The following USP26 variants were observed in gnomAD, a reference collection of about 807,000 sequenced individuals.
The protein encoded by USP26 is ubiquitin specific peptidase 26, also known as ubiquitin carboxyl-terminal hydrolase 26.
For synonymous variants in USP26, 236 were observed against 240.6 expected (o/e 0.98, Z 0.18); for missense variants, 649 against 642.3 (o/e 1.01, Z -0.11).
chrX:133,042,280 C>T (rs1167146985), intron 5 of USP26, among the ~76,000 whole-genome samples: 3 of 111,264 alleles, frequency 2.7e-5, no homozygotes, highest in Non-Finnish European at 5.7e-5. Flanking sequence ...CTGCAGCTAG[C>T]TCAGTGTCTG....
chrX:133,066,506 G>A (rs1249382841), intron 5 of USP26, among the ~76,000 whole-genome samples: 1 of 111,446 alleles, frequency 9.0e-6, no homozygotes, highest in Non-Finnish European at 1.9e-5. Flanking sequence ...AAACAGCATG[G>A]TACTGGTACC....
chrX:133,047,841 T>C (rs976011477), intron 5 of USP26, among the ~76,000 whole-genome samples: 2 of 111,882 alleles, frequency 1.8e-5, no homozygotes, highest in African/African-American at 6.5e-5. Context: ...CCAAATCTGC[T>C]GGCACCTTAA....
chrX:133,031,949 C>A (rs996253375), intron 5 of USP26, among the ~76,000 whole-genome samples: 3 of 110,965 alleles, frequency 2.7e-5, no homozygotes, highest in Non-Finnish European at 5.7e-5. Flanking sequence ...GAGTTTGAGA[C>A]CAGCCTGGTC....
At chrX:133,079,945 G>A (rs1220711148) in intron 5 of USP26, among the ~76,000 whole-genome samples, 1 of 111,559 alleles carries the variant, frequency 9.0e-6, no homozygotes, top group Non-Finnish European at 1.9e-5. Flanking sequence ...AGTTATTGTA[G>A]GTGGACATAT....
intron 5 of USP26, among the ~76,000 whole-genome samples, chrX:133,046,934 C>T (rs1355615108): frequency 8.9e-6 from 1 of 111,948 alleles, no homozygotes; most frequent in Admixed American, 9.5e-5. Context: ...CTAATGGAGG[C>T]CATCCTCAAA....
At chrX:133,036,969 A>T (rs1423060818) in intron 5 of USP26, among the ~76,000 whole-genome samples, 1 of 112,491 alleles carries the variant, frequency 8.9e-6, no homozygotes, top group African/African-American at 3.2e-5. Flanking sequence ...GGCCACATAA[A>T]TGTCTTCTTT....
chrX:133,079,222 C>T (rs980242), intron 5 of USP26, among the ~76,000 whole-genome samples: 1,499 of 111,707 alleles, frequency 0.013, 26 homozygotes, highest in East Asian at 0.1. Context: ...CAAGGTAGTG[C>T]TCCTCCTCAC....
intron 5 of USP26, among the ~76,000 whole-genome samples, chrX:133,074,344 T>C (rs938227625): frequency 1.1e-4 from 12 of 112,330 alleles, no homozygotes; most frequent in African/African-American, 3.9e-4. Context: ...TCTTTACATG[T>C]ATGTAACTTC....
At chrX:133,060,662 A>G (rs2067491487) in intron 5 of USP26, among the ~76,000 whole-genome samples, 1 of 111,987 alleles carries the variant, frequency 8.9e-6, no homozygotes, top group Non-Finnish European at 1.9e-5. Flanking sequence ...TAATTCATGT[A>G]AAAAATTCAC....
At chrX:133,082,320 T>C (rs2067572946) in intron 5 of USP26, among the ~76,000 whole-genome samples, 1 of 111,802 alleles carries the variant, frequency 8.9e-6, no homozygotes, top group South Asian at 3.8e-4. Context: ...CTGATCCCCG[T>C]TTTCTGGGGA....
intron 5 of USP26, among the ~76,000 whole-genome samples, chrX:133,080,297 A>G (rs1479613480): frequency 9.0e-6 from 1 of 111,678 alleles, no homozygotes; most frequent in Non-Finnish European, 1.9e-5. Flanking sequence ...AACCTGGTAC[A>G]TAGAACTAGC....
At chrX:133,056,488 C>G (rs1164427945) in intron 5 of USP26, among the ~76,000 whole-genome samples, 1 of 111,694 alleles carries the variant, frequency 9.0e-6, no homozygotes, top group Non-Finnish European at 1.9e-5. Context: ...TTGTTAGAAG[C>G]TAGACTAGCA....
chrX:133,065,473 T>A lies in USP26; in HGVS notation c.-77+18234A>T. ...TCCCTGATGAATATCAATGCAAAAA[T>A]CCTCAACAATACTGGCAAACTGAAT... On this transcript the variant is annotated intron_variant, in intron 5 of 5. Coordinates refer to ENST00000511190, the MANE Select transcript of USP26 (RefSeq NM_031907.3). Among the ~76,000 whole-genome samples, 3 of 111,278 alleles carry A rather than the reference T, an allele frequency of 2.7e-5. No individual in the cohort carries two copies. The Middle Eastern group carries it at 0.014, about 518-fold the overall frequency.
chrX:133,025,662 G>A lies in USP26; in HGVS notation c.2559C>T (p.Ile853=). 1 of 1,211,517 alleles carries A rather than the reference G, an allele frequency of 8.3e-7. No homozygotes were observed. Among genetic ancestry groups the A allele is most frequent in the Non-Finnish European group, 1.1e-6 (1 of 895,420 alleles). The change falls in exon 6 of 6, where the codon ATC becomes ATT. Residue 853 remains isoleucine, a synonymous_variant. Coordinates refer to ENST00000511190, the MANE Select transcript of USP26 (RefSeq NM_031907.3). ...ICDAYDFEKQ[I]WFTYDDMRVL... ...CCCGCATATCATCGTAAGTGAACCAGATCTGTTTCTCAAAGTCATAGGCAT... is the reference window on the plus strand; with the variant it reads ...CCCGCATATCATCGTAAGTGAACCAAATCTGTTTCTCAAAGTCATAGGCAT...
intron 5 of USP26, among the ~76,000 whole-genome samples, chrX:133,068,202 G>A (rs183909735): frequency 1.1e-3 from 118 of 111,695 alleles, no homozygotes; most frequent in Middle Eastern, 4.7e-3. Context: ...GTTAAATATT[G>A]AATACCAGTG....
chrX:133,038,295 T>C (rs1239005205), intron 5 of USP26, among the ~76,000 whole-genome samples: 1 of 111,561 alleles, frequency 9.0e-6, no homozygotes, highest in African/African-American at 3.3e-5. Flanking sequence ...ATATTGGCTA[T>C]GGGTTTGTCA....
rs1335310484 is a variant in USP26, at chrX:133,024,494, T to C, written c.*985A>G. ...TGTGGGCCAATTTCTTAAAAGCAAA[T>C]CAATCTGGAGATTTGACTTGGCGTT... On this transcript the variant is annotated 3_prime_UTR_variant, in exon 6 of 6. Transcript: ENST00000511190. 9.0e-6 allele frequency: 1 copy of C among 111,640 alleles called. No homozygotes were observed. The highest frequency in any genetic ancestry group is 1.9e-5 in the Non-Finnish European group (1 of 53,151). The allele number at this position is 111,640 out of a possible 1,213,427, so 9.2% of individuals were successfully genotyped here.
At chrX:133,093,924 A>C (rs2067617163) in intron 1 of USP26, among the ~76,000 whole-genome samples, 1 of 92,487 alleles carries the variant, frequency 1.1e-5, no homozygotes, top group Non-Finnish European at 2.1e-5. Flanking sequence ...GAGGCTGTAG[A>C]GTGCCGTGAT....
intron 5 of USP26, among the ~76,000 whole-genome samples, chrX:133,067,493 C>T (rs1350291664): frequency 1.2e-4 from 13 of 112,096 alleles, no homozygotes; most frequent in Non-Finnish European, 5.6e-5. Context: ...CATCAATGAC[C>T]GAATGAATAA....
Sources: gnomAD v4.1 joint callset for allele counts (sites outside exome capture counted in the v4.1 genomes callset) on GRCh38, gnomAD v4.1.1 for gene constraint, MANE v1.5 for transcripts, NCBI Gene and HGNC (gene_info 2026-07-23, HGNC 2026-07-21) for gene names.